The following TPST1 variants were observed in gnomAD, a reference collection of about 807,000 sequenced individuals.
The protein encoded by TPST1 is protein-tyrosine sulfotransferase 1.
Under a neutral mutation model 34.8 loss-of-function variants are expected in TPST1, and 20 were observed. The ratio of observed to expected loss-of-function variants is 0.57; its 90% CI spans 0.40 to 0.84. The LOEUF (loss-of-function observed/expected upper bound fraction) is 0.84, where lower values mean the gene tolerates loss of function less well. TPST1 is among the 40% of genes least tolerant of loss of function. The probability of loss-of-function intolerance (pLI) is 0.00; values close to 1 mark genes in which losing one functional copy is unlikely to be tolerated. For synonymous variants in TPST1, 152 were observed against 159.4 expected (o/e 0.95, Z 0.35); for missense variants, 353 against 455.5 (o/e 0.78, Z 2.05).
Position 66,240,871 on chromosome 7 carries a change from A to G in TPST1, c.446A>G (p.His149Arg). ...TTCTTACTAGAAATTATCGTTAAGCATGGGGAGCCAGCCCCTTATTTATGT... is the reference window on the plus strand; with the variant it reads ...TTCTTACTAGAAATTATCGTTAAGCGTGGGGAGCCAGCCCCTTATTTATGT... Reference protein sequence around the residue: ...QAFLLEIIVKHGEPAPYLCNK... With the variant: ...QAFLLEIIVKRGEPAPYLCNK... Residue 149 changes from histidine to arginine, a missense_variant, in exon 2 of 6, where the codon CAT becomes CGT. Physicochemically the swap from His to Arg is conservative, Grantham distance 29. Transcript: ENST00000304842. 1 of 1,614,208 alleles carries G rather than the reference A, an allele frequency of 6.2e-7. No homozygotes were observed. The highest frequency in any genetic ancestry group is 8.5e-7 in the Non-Finnish European group (1 of 1,180,044).
At chr7:66,335,215 G>A (rs1792072574) in intron 3 of TPST1, among the ~76,000 whole-genome samples, 1 of 152,132 alleles carries the variant, frequency 6.6e-6, no homozygotes, top group Non-Finnish European at 1.5e-5. Flanking sequence ...TCCCACTTTG[G>A]GAGGCCAAGT....
chr7:66,286,837 A>G (rs1484911979), intron 3 of TPST1, 128 bp downstream of exon 3: 188 of 177,600 alleles, frequency 1.1e-3, no homozygotes, highest in Non-Finnish European at 1.4e-3. Context: ...TTTTTCATTT[A>G]TTTTTATTTT....
chr7:66,206,553 A>G (rs368555586), intron 1 of TPST1, among the ~76,000 whole-genome samples: 20 of 152,122 alleles, frequency 1.3e-4, no homozygotes, highest in East Asian at 9.6e-4. Flanking sequence ...AGAAGAAACA[A>G]TTCTGCTATC....
intron 1 of TPST1, among the ~76,000 whole-genome samples, chr7:66,229,911 A>G (rs376784425): frequency 6.6e-6 from 1 of 152,300 alleles, no homozygotes; most frequent in East Asian, 1.9e-4. Flanking sequence ...TTATCACTTC[A>G]AAAAGAAACC....
At chr7:66,311,519 A>G (rs906049674) in intron 3 of TPST1, among the ~76,000 whole-genome samples, 2 of 152,340 alleles carry the variant, frequency 1.3e-5, no homozygotes, top group Admixed American at 1.3e-4. Flanking sequence ...TCAAAGTAGC[A>G]CATTTTACCA....
rs529861243 is a variant in TPST1 at position 66,222,614 on chromosome 7, A to T, written c.-102+17092A>T. Among the ~76,000 whole-genome samples the T allele has an allele frequency of 5.3e-5, 8 of 152,260 alleles. No individual in the cohort carries two copies. The South Asian group carries it at 1.4e-3, about 28-fold the overall frequency. On this transcript the variant is annotated intron_variant, in intron 1 of 5. Transcript: ENST00000304842. ...AAGGCAGTCAGGGACAGGTTGACTG[A>T]GGAGATATGTGTAAAAGAGAGAAAG...
At chr7:66,268,465 G>A (rs552109102) in intron 2 of TPST1, among the ~76,000 whole-genome samples, 16 of 152,144 alleles carry the variant, frequency 1.1e-4, no homozygotes, top group South Asian at 8.3e-4. Context: ...CAAACATATC[G>A]GAATTTAAGA....
intron 3 of TPST1, among the ~76,000 whole-genome samples, chr7:66,328,929 T>TTTTTTTA (rs67603233): frequency 1.6e-5 from 2 of 121,308 alleles, no homozygotes; most frequent in African/African-American, 3.3e-5. Flanking sequence ...TTTTTTTTTT[T>TTTTTTTA]GAGACAGGGT....
rs1790652417 is a variant in TPST1 at position 66,269,314 on chromosome 7, G to C, written c.846-17197G>C. On this transcript the variant is annotated intron_variant, in intron 2 of 5. Coordinates refer to ENST00000304842, the MANE Select transcript of TPST1 (RefSeq NM_003596.4). ...TTACATAAAAGAAAACTTTAGATTA[G>C]TTTTCTTATGCATGCAGATGCTAAA... Among the ~76,000 whole-genome samples the C allele has an allele frequency of 3.3e-5, 5 of 152,278 alleles. No homozygotes were observed. The South Asian group carries it at 1.0e-3, about 32-fold the overall frequency.
intron 2 of TPST1, among the ~76,000 whole-genome samples, chr7:66,266,567 C>T (rs747368964): frequency 5.9e-5 from 9 of 152,202 alleles, no homozygotes; most frequent in Non-Finnish European, 1.2e-4. Flanking sequence ...CACTAAAAGA[C>T]TTACAGAAGA....
chr7:66,201,313 G>C (rs201449617), upstream of TPST1, among the ~76,000 whole-genome samples: 1 of 149,610 alleles, frequency 6.7e-6, no homozygotes, highest in African/African-American at 2.5e-5. Flanking sequence ...GGAGGCCAGC[G>C]TTGGAGGACT....
intron 1 of TPST1, among the ~76,000 whole-genome samples, chr7:66,224,901 C>CTT (rs780952403): frequency 0.012 from 527 of 42,464 alleles, 60 homozygotes; most frequent in Middle Eastern, 0.033. Context: ...TTCTGGTATT[C>CTT]TTTTTTTTTT....
At chr7:66,211,719 G>C (rs1789265357) in intron 1 of TPST1, among the ~76,000 whole-genome samples, 1 of 152,158 alleles carries the variant, frequency 6.6e-6, no homozygotes, top group Admixed American at 6.5e-5. Flanking sequence ...TGTAATCCCA[G>C]CACTTTGGGA....
At chr7:66,256,548 T>TGGCTATATA (rs1297256757) in intron 2 of TPST1, among the ~76,000 whole-genome samples, 1 of 152,172 alleles carries the variant, frequency 6.6e-6, no homozygotes, top group Admixed American at 6.5e-5. Context: ...TTGCTGTGTG[T>TGGCTATATA]TTCTGTATAT....
At chr7:66,319,250 A>T (rs985908019) in intron 3 of TPST1, among the ~76,000 whole-genome samples, 1 of 152,108 alleles carries the variant, frequency 6.6e-6, no homozygotes, top group Non-Finnish European at 1.5e-5. Context: ...CAACTCTTTC[A>T]TGTTTTCTGC....
chr7:66,332,703 G>A lies in TPST1; in HGVS notation c.1045-19802G>A, dbSNP rs1367554604. Among the ~76,000 whole-genome samples, 2 of 152,152 alleles carry A rather than the reference G, an allele frequency of 1.3e-5. No individual in the cohort carries two copies. Among genetic ancestry groups the A allele is most frequent in the Admixed American group, 6.5e-5 (1 of 15,278 alleles). The stretch of plus-strand genomic sequence containing the variant: ...AATGATGCTTACATCTGTACTGAAC[G>A]TGACGGACTTTGTCATTATTTCCTA... On this transcript the variant is annotated intron_variant, in intron 3 of 5. Transcript: ENST00000304842. This position sits in a 1 kb window ranked among gnomAD's most constrained non-coding sequence, Gnocchi z 4.5.
chr7:66,259,677 T>A (rs765226870), intron 2 of TPST1, among the ~76,000 whole-genome samples: 4 of 151,820 alleles, frequency 2.6e-5, no homozygotes, highest in Middle Eastern at 3.2e-3. Flanking sequence ...ATATATGACT[T>A]ATCCACACAC....
At chr7:66,306,625 A>G (rs527483066) in intron 3 of TPST1, among the ~76,000 whole-genome samples, 1 of 152,284 alleles carries the variant, frequency 6.6e-6, no homozygotes, top group South Asian at 2.1e-4. Context: ...CTCACCCTGT[A>G]AGGTCACTTC....
At chr7:66,353,760 GACTCA>G (rs1294425286) in intron 4 of TPST1, among the ~76,000 whole-genome samples, 2 of 152,198 alleles carry the variant, frequency 1.3e-5, no homozygotes, top group Non-Finnish European at 2.9e-5. Flanking sequence ...AGGAAGAGGA[GACTCA>G]GTTTTGAACT....
Sources: gnomAD v4.1 joint callset for allele counts (sites outside exome capture counted in the v4.1 genomes callset) on GRCh38, gnomAD v4.1.1 for gene constraint, Gnocchi (gnomAD v3.1) non-coding constraint, MANE v1.5 for transcripts, NCBI Gene and HGNC (gene_info 2026-07-23, HGNC 2026-07-21) for gene names.